The following AASDH variants were observed in gnomAD, a reference collection of about 807,000 sequenced individuals.
AASDH encodes the protein aminoadipate-semialdehyde dehydrogenase, also known as beta-alanine-activating enzyme.
AASDH carries 81 observed loss-of-function variants against 102.3 expected under a neutral mutation model. That is an observed-to-expected ratio of 0.79 (90% CI 0.66 to 0.95). The LOEUF is 0.95. Ranked by LOEUF, AASDH falls within the 40% of genes least tolerant of loss-of-function variation. AASDH has a pLI of 0.00. For missense variants in AASDH, 1,203 were observed against 1,266.2 expected (o/e 0.95, Z 0.76); for synonymous variants, 398 against 454.0 (o/e 0.88, Z 1.57).
Position 56,371,655 on chromosome 4 carries a change from C to G in AASDH, c.669-12G>C. On this transcript the variant is annotated splice_polypyrimidine_tract_variant and intron_variant, in intron 4 of 14. Transcript: ENST00000205214. Reference sequence around the variant, plus strand: ...TGTCAAAAAGTACCCTAAGGCAAAACAGAATGCAGTTATGAGAAACGTCAA... The same window carrying G: ...TGTCAAAAAGTACCCTAAGGCAAAAGAGAATGCAGTTATGAGAAACGTCAA... 1 of 1,594,420 alleles carries G rather than the reference C, an allele frequency of 6.3e-7. No individual in the cohort carries two copies.
chr4:56,382,798 G>A (rs925092255), intron 2 of AASDH, among the ~76,000 whole-genome samples: 13 of 152,168 alleles, frequency 8.5e-5, no homozygotes, highest in Admixed American at 2.6e-4. Context: ...AGCCGGGCAC[G>A]GTGGCTCACG....
intron 4 of AASDH, among the ~76,000 whole-genome samples, chr4:56,373,201 A>G (rs1468294721): frequency 1.3e-5 from 2 of 152,130 alleles, no homozygotes; most frequent in Non-Finnish European, 2.9e-5. Flanking sequence ...GTGCAGTGGC[A>G]TGATCTCGGC....
intron 5 of AASDH, among the ~76,000 whole-genome samples, chr4:56,366,196 A>T (rs1044308194): frequency 5.9e-5 from 9 of 152,348 alleles, no homozygotes; most frequent in African/African-American, 2.2e-4. Flanking sequence ...TGTATAGACC[A>T]ATAACAGGCT....
At chr4:56,366,313 C>A (rs1578025040) in intron 5 of AASDH, among the ~76,000 whole-genome samples, 1 of 152,200 alleles carries the variant, frequency 6.6e-6, no homozygotes, top group African/African-American at 2.4e-5. Flanking sequence ...TGGTACCATT[C>A]CTTCTCAAAC....
At chr4:56,343,416 T>C (rs1404891901) in intron 13 of AASDH, 146 bp downstream of exon 13, 7 of 513,272 alleles carry the variant, frequency 1.4e-5, no homozygotes, top group Non-Finnish European at 2.0e-5. Context: ...CTAGATCTCA[T>C]GTCAATCATT....
intron 4 of AASDH, among the ~76,000 whole-genome samples, chr4:56,374,390 A>AAG (rs1752116967): frequency 6.6e-6 from 1 of 150,736 alleles, no homozygotes; most frequent in African/African-American, 2.4e-5. Context: ...AAAAAAAAAA[A>AAG]GGACATTTGA....
chr4:56,355,422 G>T lies in AASDH; in HGVS notation c.863C>A (p.Ala288Glu), dbSNP rs1253842488. 6.2e-7 allele frequency: 1 copy of T among 1,608,868 alleles called. No homozygotes were observed. The highest frequency in any genetic ancestry group is 8.5e-7 in the Non-Finnish European group (1 of 1,177,854). The change falls in exon 6 of 15, where the codon GCA becomes GAA. Residue 288 changes from alanine to glutamate, a missense_variant and splice_region_variant. By Grantham distance (107) the Ala-to-Glu change is moderately radical (BLOSUM62 -1). Coordinates refer to ENST00000205214, the MANE Select transcript of AASDH (RefSeq NM_181806.4). ...FSHHRVTVLQATPTLLRRFGS... is the reference protein window; with the variant it reads ...FSHHRVTVLQETPTLLRRFGS... ...AAATCTTCTAAGCAATGTTGGTGTT[G>T]CCTGTAGATACATTAAAAATAATTT...
intron 5 of AASDH, among the ~76,000 whole-genome samples, chr4:56,361,882 G>A (rs1431961359): frequency 1.3e-5 from 2 of 152,146 alleles, no homozygotes; most frequent in African/African-American, 4.8e-5. Flanking sequence ...TGAGGTGGGA[G>A]GATCACTTGA....
chr4:56,343,836 A>G (rs1246148100), intron 12 of AASDH, 152 bp from the exon 13 acceptor site: 2 of 777,074 alleles, frequency 2.6e-6, no homozygotes, highest in East Asian at 5.9e-5. Flanking sequence ...ATTAGTATAA[A>G]GACAAAGGAC....
chr4:56,340,032 G>A (rs1747469959), intron 14 of AASDH, among the ~76,000 whole-genome samples: 1 of 152,056 alleles, frequency 6.6e-6, no homozygotes, highest in Non-Finnish European at 1.5e-5. Context: ...AGCTGGGTGT[G>A]GTGGTACACA....
intron 5 of AASDH, among the ~76,000 whole-genome samples, chr4:56,365,097 C>G (rs1011210871): frequency 6.6e-6 from 1 of 151,984 alleles, no homozygotes; most frequent in Admixed American, 6.6e-5. Flanking sequence ...GACTTTAAAC[C>G]AACAAAGATC....
At chr4:56,354,552 T>C (rs1364553535) in intron 7 of AASDH, among the ~76,000 whole-genome samples, 153 bp downstream of exon 7, 1 of 152,164 alleles carries the variant, frequency 6.6e-6, no homozygotes, top group Non-Finnish European at 1.5e-5. Flanking sequence ...ATAATTATTG[T>C]AACATTTGGT....
intron 5 of AASDH, among the ~76,000 whole-genome samples, chr4:56,358,210 A>C (rs1203957567): frequency 2.0e-5 from 3 of 151,926 alleles, no homozygotes; most frequent in Non-Finnish European, 4.4e-5. Flanking sequence ...CTCCAACCTG[A>C]CTAAACTTTA....
chr4:56,368,237 G>T (rs1751261186), intron 5 of AASDH, among the ~76,000 whole-genome samples: 1 of 152,192 alleles, frequency 6.6e-6, no homozygotes, highest in African/African-American at 2.4e-5. Flanking sequence ...TGGAGAGGAT[G>T]TGGAGAAATA....
chr4:56,365,017 G>T (rs1322811534), intron 5 of AASDH, among the ~76,000 whole-genome samples: 1 of 152,120 alleles, frequency 6.6e-6, no homozygotes, highest in Non-Finnish European at 1.5e-5. Flanking sequence ...TAAAAGGATG[G>T]AGGAAGATCT....
At chr4:56,354,940 AGAGGAAAAG>A in intron 6 of AASDH, 129 bp from the exon 7 acceptor site, 2 of 856,846 alleles carry the variant, frequency 2.3e-6, no homozygotes, top group Non-Finnish European at 3.5e-6. Context: ...AAGACTGACA[AGAGGAAAAG>A]GTTAGGTGGA....
Position 56,350,066 on chromosome 4 carries a change from T to A in AASDH, c.1693-8A>T, listed in dbSNP as rs971583238. 1 of 1,559,914 alleles carries A rather than the reference T, an allele frequency of 6.4e-7. No homozygotes were observed. The highest frequency in any genetic ancestry group is 8.6e-7 in the Non-Finnish European group (1 of 1,165,912). The stretch of plus-strand genomic sequence containing the variant: ...TGGGAGATTCAGAGTAGACTACAGA[T>A]GAGAGAATAGAGAAATATGTGACGT... On this transcript the variant is annotated splice_polypyrimidine_tract_variant and splice_region_variant and intron_variant, in intron 10 of 14. Transcript: ENST00000205214.
chr4:56,370,779 T>C (rs2109968778), intron 5 of AASDH, among the ~76,000 whole-genome samples: 1 of 152,360 alleles, frequency 6.6e-6, no homozygotes, highest in Middle Eastern at 3.4e-3. Flanking sequence ...CATTTAATTC[T>C]ATTTGAGATG....
chr4:56,371,619 T>A lies in AASDH; in HGVS notation c.693A>T (p.Glu231Asp). 6.2e-7 allele frequency: 1 copy of A among 1,604,946 alleles called. No homozygotes were observed. Among genetic ancestry groups the A allele is most frequent in the Non-Finnish European group, 8.5e-7 (1 of 1,178,262 alleles). Residue 231 changes from glutamate to aspartate, a missense_variant, in exon 5 of 15, where the codon GAA (glutamate) becomes GAT (aspartate). Coordinates refer to ENST00000205214, the MANE Select transcript of AASDH (RefSeq NM_181806.4). ...HFRVLFDITQ[E>D]DVLFLASPLT... ...GAGGTGAAGCCAGAAACAAAACATC[T>A]TCTTGTGTGATGTCAAAAAGTACCC...
Sources: allele counts gnomAD v4.1 joint callset (sites outside exome capture counted in the v4.1 genomes callset), GRCh38; gene constraint gnomAD v4.1.1; transcripts MANE v1.5; gene names NCBI Gene and HGNC (gene_info 2026-07-23, HGNC 2026-07-21).